Variants in ANO10 observed in about 807,000 individuals in gnomAD.
ANO10 encodes the protein anoctamin 10.
A neutral mutation model predicts 74.7 loss-of-function variants in ANO10; 77 were observed. The ratio of observed to expected loss-of-function variants is 1.03; its 90% CI spans 0.86 to 1.25. The LOEUF (loss-of-function observed/expected upper bound fraction) is 1.25. ANO10 is among the 50% of genes most tolerant of loss of function. The pLI is 0.00. For missense variants in ANO10, 721 were observed against 778.1 expected, an observed-to-expected ratio of 0.93 and a Z score of 0.87; for synonymous variants, 279 against 284.9, an observed-to-expected ratio of 0.98 and a Z score of 0.21.
At chr3:43,627,992 T>G (rs2149557399) in intron 1 of ANO10, among the ~76,000 whole-genome samples, 1 of 152,280 alleles carries the variant, frequency 6.6e-6, no homozygotes, top group Admixed American at 6.5e-5. Context: ...ATACAGGCGA[T>G]TCTCCTGCCT....
At chr3:43,545,268 TA>T (rs2079133754) in intron 11 of ANO10, among the ~76,000 whole-genome samples, 1 of 152,196 alleles carries the variant, frequency 6.6e-6, no homozygotes. Flanking sequence ...ATTTTAACGT[TA>T]ATTTTAAGAT....
At chr3:43,674,751 G>C (rs2084100579) in intron 1 of ANO10, among the ~76,000 whole-genome samples, 1 of 152,110 alleles carries the variant, frequency 6.6e-6, no homozygotes, top group East Asian at 1.9e-4. Flanking sequence ...TCAGCCACAG[G>C]GAGTTCTGGA....
At chr3:43,549,264 T>C (rs1195278718) in intron 11 of ANO10, among the ~76,000 whole-genome samples, 1 of 125,302 alleles carries the variant, frequency 8.0e-6, no homozygotes, top group Non-Finnish European at 1.6e-5. Context: ...CAAATTACAG[T>C]ACCAAATTAC....
intron 3 of ANO10, among the ~76,000 whole-genome samples, chr3:43,599,358 C>T (rs369280269): frequency 9.9e-5 from 15 of 152,230 alleles, no homozygotes; most frequent in African/African-American, 3.6e-4. Context: ...CAGTTCTTTC[C>T]TGAAAATATT....
intron 11 of ANO10, among the ~76,000 whole-genome samples, chr3:43,479,047 TTTTG>T (rs2076174378): frequency 6.6e-6 from 1 of 152,348 alleles, no homozygotes; most frequent in African/African-American, 2.4e-5. Flanking sequence ...TCCCTGATCC[TTTTG>T]TTTAATAACA....
chr3:43,420,003 T>G (rs758707200), intron 12 of ANO10, among the ~76,000 whole-genome samples: 1 of 152,344 alleles, frequency 6.6e-6, no homozygotes, highest in East Asian at 1.9e-4. Context: ...AAGAAACAAA[T>G]GAGCAAACAT....
intron 11 of ANO10, among the ~76,000 whole-genome samples, chr3:43,451,041 T>A (rs915430939): frequency 1.3e-5 from 2 of 152,200 alleles, no homozygotes; most frequent in African/African-American, 4.8e-5. Flanking sequence ...TCAAAGTATA[T>A]CACAGCACAT....
intron 1 of ANO10, among the ~76,000 whole-genome samples, chr3:43,634,648 C>T (rs775596778): frequency 5.9e-5 from 9 of 152,130 alleles, no homozygotes; most frequent in Non-Finnish European, 1.2e-4. Flanking sequence ...CAGTGCCTTT[C>T]GGAATTCTTG....
At chr3:43,528,083 T>C (rs1050061719) in intron 11 of ANO10, among the ~76,000 whole-genome samples, 2 of 152,042 alleles carry the variant, frequency 1.3e-5, no homozygotes, top group African/African-American at 4.8e-5. Context: ...AACAACATTT[T>C]ACTATACCAG....
chr3:43,634,247 C>T (rs981753360), intron 1 of ANO10, among the ~76,000 whole-genome samples: 2 of 152,052 alleles, frequency 1.3e-5, no homozygotes, highest in African/African-American at 4.8e-5. Flanking sequence ...TTCAGAGTTA[C>T]ACAACTTAGT....
At chr3:43,671,366 T>C (rs2084057334) in intron 1 of ANO10, among the ~76,000 whole-genome samples, 1 of 152,076 alleles carries the variant, frequency 6.6e-6, no homozygotes, top group African/African-American at 2.4e-5. Context: ...GACAAAAATA[T>C]TACCAACTGC....
At chr3:43,477,499 G>A (rs1010470116) in intron 11 of ANO10, among the ~76,000 whole-genome samples, 1 of 152,166 alleles carries the variant, frequency 6.6e-6, no homozygotes, top group African/African-American at 2.4e-5. Context: ...CAGCTGACGT[G>A]TTATATTTTA....
At chr3:43,413,024 C>T (rs1000788096) in intron 12 of ANO10, among the ~76,000 whole-genome samples, 1 of 152,160 alleles carries the variant, frequency 6.6e-6, no homozygotes. Flanking sequence ...TGCACTCCAG[C>T]CTGGGCAACA....
intron 11 of ANO10, among the ~76,000 whole-genome samples, chr3:43,530,856 G>A (rs892783754): frequency 1.3e-5 from 2 of 152,142 alleles, no homozygotes; most frequent in African/African-American, 2.4e-5. Flanking sequence ...ACCATCCTTT[G>A]CAGATAAGCT....
chr3:43,468,903 G>A (rs1414230453), intron 11 of ANO10, among the ~76,000 whole-genome samples: 9 of 151,506 alleles, frequency 5.9e-5, no homozygotes, highest in African/African-American at 2.2e-4. Flanking sequence ...GTAGAGACAG[G>A]GTTTCACTGT....
In ANO10 at chr3:43,559,484, G is replaced by A. The variant is rs557774282; in HGVS notation, c.1476+1736C>T. On this transcript the variant is annotated intron_variant, in intron 9 of 12. Transcript: ENST00000292246. ...GAGAATTATTGCAGAAAACTGTGAG[G>A]GGAAGGAAAGACAGGATAAAAACAG... is the stretch of plus-strand genomic sequence containing the variant. Among the ~76,000 whole-genome samples, 311 of 152,262 alleles carry A rather than the reference G, an allele frequency of 2.0e-3. 2 individuals carry two copies. The highest frequency in any genetic ancestry group is 7.2e-3 in the African/African-American group (299 of 41,544).
intron 7 of ANO10, among the ~76,000 whole-genome samples, chr3:43,567,384 G>A (rs908490320): frequency 1.3e-5 from 2 of 152,080 alleles, no homozygotes; most frequent in African/African-American, 4.8e-5. Context: ...ATAATTGTCA[G>A]ATTCACCAAA....
intron 10 of ANO10, among the ~76,000 whole-genome samples, chr3:43,551,864 T>C (rs1158303058): frequency 1.3e-5 from 2 of 152,230 alleles, no homozygotes; most frequent in African/African-American, 4.8e-5. Context: ...ACTTCAGTCA[T>C]GTGTTTTAAT....
intron 11 of ANO10, among the ~76,000 whole-genome samples, chr3:43,527,513 C>T (rs978758470): frequency 6.6e-5 from 10 of 152,130 alleles, no homozygotes; most frequent in African/African-American, 2.4e-4. Flanking sequence ...ACAATGGAGC[C>T]GTCTAAATCC....
Sources: allele counts gnomAD v4.1 joint callset (sites outside exome capture counted in the v4.1 genomes callset), GRCh38; gene constraint gnomAD v4.1.1; transcripts MANE v1.5; gene names NCBI Gene and HGNC (gene_info 2026-07-23, HGNC 2026-07-21).